PACC1: variants seen among roughly 807,000 people sequenced by gnomAD.
PACC1 encodes the protein proton activated chloride channel 1, also known as proton-activated chloride channel.
In PACC1, 34 loss-of-function variants were observed where a neutral mutation model predicts 39.7. The observed-to-expected ratio is 0.86, with a 90% CI of 0.65 to 1.14. The LOEUF is 1.14. Among genes scored for constraint, PACC1 ranks in the 50% most tolerant of loss-of-function variants. The pLI is 0.00. For missense variants in PACC1, 379 were observed against 436.4 expected (o/e 0.87, Z 1.17); for synonymous variants, 127 against 160.6 (o/e 0.79, Z 1.58).
intron 2 of PACC1, among the ~76,000 whole-genome samples, chr1:212,409,830 T>C (rs931099298): frequency 1.3e-5 from 2 of 152,222 alleles, no homozygotes; most frequent in East Asian, 1.9e-4. Context: ...GAACTGTCTA[T>C]GAGAGTGAGA....
intron 2 of PACC1, 39 bp from the exon 3 acceptor site, chr1:212,387,139 G>A (rs752313926): frequency 2.5e-6 from 4 of 1,605,862 alleles, no homozygotes; most frequent in East Asian, 4.5e-5. Flanking sequence ...AGGGCACAGG[G>A]ACAAGGTACA....
intron 7 of PACC1, among the ~76,000 whole-genome samples, chr1:212,373,176 GAAC>G (rs1298312821): frequency 2.0e-5 from 3 of 152,142 alleles, no homozygotes; most frequent in African/African-American, 7.2e-5. Context: ...CAATGGAACA[GAAC>G]AGAGAATCTA....
intron 1 of PACC1, among the ~76,000 whole-genome samples, chr1:212,412,181 A>G (rs1351051032): frequency 1.3e-5 from 2 of 152,114 alleles, no homozygotes; most frequent in Non-Finnish European, 2.9e-5. Context: ...ACCAGTGGGA[A>G]AGGGCAGGGA....
At chr1:212,413,873 G>A (rs1439020992) in intron 1 of PACC1, 1 of 1,524,112 alleles carries the variant, frequency 6.6e-7, no homozygotes, top group Non-Finnish European at 8.8e-7. Context: ...GCAAACACAG[G>A]GACACAAACT....
At chr1:212,379,768 A>G (rs1407627037) in intron 5 of PACC1, 127 bp downstream of exon 5, 3 of 1,183,118 alleles carry the variant, frequency 2.5e-6, no homozygotes, top group African/African-American at 1.5e-5. Flanking sequence ...TTCCTGGGCC[A>G]GTGGGTCATC....
intron 4 of PACC1, among the ~76,000 whole-genome samples, 165 bp downstream of exon 4, chr1:212,385,109 C>T (rs1199344947): frequency 1.3e-5 from 2 of 152,222 alleles, no homozygotes; most frequent in African/African-American, 2.4e-5. Flanking sequence ...AGTGAGCCAA[C>T]CACAGCCAAG....
rs1044326699 is a variant in PACC1 at position 212,410,444 on chromosome 1, T to G, written c.114A>C (p.Gln38His). Residue 38 changes from glutamine (Q) to histidine (H), a missense_variant, in exon 2 of 8, where the codon CAA becomes CAC. By Grantham distance (24) the Gln-to-His change is conservative. Coordinates refer to ENST00000261455, the MANE Select transcript of PACC1 (RefSeq NM_018252.3). ...ACTCACCTGGTAAGATACCCGGACC[T>G]TGGACTCTGACCGTCTCCTTGTCCT... is the stretch of plus-strand genomic sequence containing the variant. ...DEQDKETVRV[Q>H]GPGILPGLDS... is the part of the protein sequence containing the mutation. 4.3e-6 allele frequency: 7 copies of G among 1,614,014 alleles called. No individual in the cohort carries two copies. Among genetic ancestry groups the G allele is most frequent in the Non-Finnish European group, 5.9e-6 (7 of 1,180,000 alleles).
chr1:212,394,925 T>G (rs951286025), intron 2 of PACC1, among the ~76,000 whole-genome samples: 8 of 151,940 alleles, frequency 5.3e-5, no homozygotes, highest in Admixed American at 2.6e-4. Flanking sequence ...CACTGCTCAA[T>G]GAAATAAAAG....
intron 2 of PACC1, among the ~76,000 whole-genome samples, chr1:212,397,383 G>A (rs1661566491): frequency 6.6e-6 from 1 of 152,198 alleles, no homozygotes; most frequent in Non-Finnish European, 1.5e-5. Context: ...AGCAGAGACT[G>A]TCAGTCTGGA....
intron 1 of PACC1, among the ~76,000 whole-genome samples, chr1:212,410,840 A>G (rs1321284564): frequency 6.6e-6 from 1 of 152,190 alleles, no homozygotes; most frequent in African/African-American, 2.4e-5. Context: ...TCCTTCTTCT[A>G]CGAGTGGTGA....
intron 2 of PACC1, among the ~76,000 whole-genome samples, chr1:212,387,341 T>C (rs907203262): frequency 3.3e-5 from 5 of 152,122 alleles, no homozygotes; most frequent in Admixed American, 6.5e-5. Flanking sequence ...TTAAGGAGTT[T>C]ACTCTCAAAA....
intron 7 of PACC1, among the ~76,000 whole-genome samples, chr1:212,370,170 C>T (rs1187320069): frequency 6.6e-6 from 1 of 152,046 alleles, no homozygotes; most frequent in African/African-American, 2.4e-5. Flanking sequence ...CTGACATTTA[C>T]AAAACATTTC....
chr1:212,372,426 T>C (rs1016718928), intron 7 of PACC1, among the ~76,000 whole-genome samples: 2 of 152,200 alleles, frequency 1.3e-5, no homozygotes, highest in Non-Finnish European at 2.9e-5. Flanking sequence ...GTCTTTCTTC[T>C]AAGATCTGGA....
intron 7 of PACC1, among the ~76,000 whole-genome samples, chr1:212,366,107 C>G (rs2102459921): frequency 6.6e-6 from 1 of 152,296 alleles, no homozygotes; most frequent in South Asian, 2.1e-4. Context: ...TCCCTGACCA[C>G]TAAGCTAAAA....
At chr1:212,411,628 G>A (rs1662130223) in intron 1 of PACC1, among the ~76,000 whole-genome samples, 1 of 152,184 alleles carries the variant, frequency 6.6e-6, no homozygotes, top group Non-Finnish European at 1.5e-5. Context: ...AATTGGGAGG[G>A]AGAGGGGACA....
Position 212,395,137 on chromosome 1 carries a change from T to A in PACC1, c.134-8037A>T, listed in dbSNP as rs1449190495. On this transcript the variant is annotated intron_variant, in intron 2 of 7. Transcript: ENST00000261455. ...AGAGCCCGCATTGCCAAGTCAATCCTAAGCCAAAAGAACAAAGCTGGAGGC... is the reference window on the plus strand; with the variant it reads ...AGAGCCCGCATTGCCAAGTCAATCCAAAGCCAAAAGAACAAAGCTGGAGGC... Among the ~76,000 whole-genome samples the A allele has an allele frequency of 3.3e-5, 5 of 152,314 alleles. No individual in the cohort carries two copies. The Middle Eastern group carries it at 0.01, about 311-fold the overall frequency.
intron 2 of PACC1, among the ~76,000 whole-genome samples, chr1:212,403,545 C>T (rs1201729115): frequency 1.3e-5 from 2 of 152,134 alleles, no homozygotes; most frequent in Admixed American, 6.5e-5. Context: ...TTCAACTGAC[C>T]GTATGCCAAC....
chr1:212,384,279 C>T (rs1244495414), intron 4 of PACC1, among the ~76,000 whole-genome samples: 1 of 151,956 alleles, frequency 6.6e-6, no homozygotes, highest in Non-Finnish European at 1.5e-5. Flanking sequence ...AGGAGGGGGC[C>T]TAGCGTTCAC....
chr1:212,367,308 C>A (rs906197573), intron 7 of PACC1, among the ~76,000 whole-genome samples: 1 of 152,204 alleles, frequency 6.6e-6, no homozygotes, highest in Non-Finnish European at 1.5e-5. Context: ...ACGCTGCCTA[C>A]ACACCCCTCC....
Sources: allele counts gnomAD v4.1 joint callset (sites outside exome capture counted in the v4.1 genomes callset), GRCh38; gene constraint gnomAD v4.1.1; transcripts MANE v1.5; gene names NCBI Gene and HGNC (gene_info 2026-07-23, HGNC 2026-07-21).